Variants in TRPM6 observed in about 807,000 individuals in gnomAD.
TRPM6 encodes the protein transient receptor potential cation channel subfamily M member 6.
In TRPM6, 111 loss-of-function variants were observed where a neutral mutation model predicts 247.6. That is an observed-to-expected ratio of 0.45 (90% confidence interval 0.38 to 0.52). The LOEUF is 0.52. Ranked by LOEUF, TRPM6 falls within the 20% of genes least tolerant of loss-of-function variation. TRPM6 has a pLI of 0.00. For synonymous variants in TRPM6, 892 were observed against 853.8 expected (o/e 1.04, Z -0.78); for missense variants, 2,126 against 2,421.5 (o/e 0.88, Z 2.56).
intron 4 of TRPM6, 93 bp from the exon 5 acceptor site, chr9:74,840,330 G>A: frequency 2.4e-6 from 2 of 817,362 alleles, no homozygotes; most frequent in Non-Finnish European, 4.1e-6. Flanking sequence ...AACTGAAATG[G>A]CCAAAATCTA....
intron 22 of TRPM6, 38 bp from the exon 23 acceptor site, chr9:74,782,514 T>G (rs761800307): frequency 1.3e-6 from 2 of 1,514,086 alleles, no homozygotes; most frequent in Admixed American, 1.8e-5. Flanking sequence ...AAAGATAAGA[T>G]GAATCACAGT....
At chr9:74,835,185 T>C (rs1244340959) in intron 5 of TRPM6, among the ~76,000 whole-genome samples, 1 of 152,324 alleles carries the variant, frequency 6.6e-6, no homozygotes, top group South Asian at 2.1e-4. Flanking sequence ...TGATGGCCAG[T>C]GCTGATGAGC....
intron 7 of TRPM6, among the ~76,000 whole-genome samples, chr9:74,822,848 A>G (rs1370280761): frequency 6.6e-6 from 1 of 152,120 alleles, no homozygotes; most frequent in Non-Finnish European, 1.5e-5. Flanking sequence ...TTTTTTAAAA[A>G]TATACTTACA....
chr9:74,751,055 T>C (rs530270814), intron 29 of TRPM6, among the ~76,000 whole-genome samples: 2 of 152,262 alleles, frequency 1.3e-5, no homozygotes, highest in South Asian at 2.1e-4. Flanking sequence ...GGACTGAACA[T>C]ACACAATCAG....
At chr9:74,812,157 T>C in intron 12 of TRPM6, 142 bp downstream of exon 12, 5 of 1,056,608 alleles carry the variant, frequency 4.7e-6, no homozygotes, top group Non-Finnish European at 5.6e-6. Context: ...AGCCTGGAAC[T>C]AGATCCAGCT....
intron 37 of TRPM6, among the ~76,000 whole-genome samples, chr9:74,730,990 T>G (rs1304081751): frequency 6.6e-6 from 1 of 152,100 alleles, no homozygotes; most frequent in Non-Finnish European, 1.5e-5. Context: ...TAGAATCACA[T>G]GAGAAACTTT....
chr9:74,794,098 C>G (rs190112728), intron 18 of TRPM6, among the ~76,000 whole-genome samples: 1 of 151,110 alleles, frequency 6.6e-6, no homozygotes, highest in Non-Finnish European at 1.5e-5. Context: ...GTAAGGGTAG[C>G]GAAAGGAAAG....
At chr9:74,784,905 A>T (rs1448387522) in intron 21 of TRPM6, among the ~76,000 whole-genome samples, 1 of 152,050 alleles carries the variant, frequency 6.6e-6, no homozygotes, top group Non-Finnish European at 1.5e-5. Context: ...TGAGCTCAGG[A>T]GTTTGAGACC....
chr9:74,746,083 A>G (rs1383849658), intron 31 of TRPM6, among the ~76,000 whole-genome samples: 1 of 152,072 alleles, frequency 6.6e-6, no homozygotes, highest in Admixed American at 6.6e-5. Context: ...TCCACTAAAG[A>G]TACAAAAAAT....
intron 38 of TRPM6, among the ~76,000 whole-genome samples, chr9:74,726,606 A>T (rs1195813154): frequency 6.6e-6 from 1 of 152,226 alleles, no homozygotes; most frequent in African/African-American, 2.4e-5. Context: ...GAGCTCAAGG[A>T]TTGGAAGTAG....
rs180837047 is a variant in TRPM6, at chr9:74,745,678, C to T, written c.5084-1533G>A. 2.2e-3 allele frequency among the ~76,000 whole-genome samples: 334 copies of T among 152,196 alleles called. 1 individual carries two copies. The highest frequency in any genetic ancestry group is 7.5e-3 in the African/African-American group (312 of 41,474). On this transcript the variant is annotated intron_variant, in intron 31 of 38. Transcript: ENST00000360774. ...AAGTGTGAATGCCCTGGGGCAGGTCCATGCTTGTCATGTTTAAGGAGAGTG... is the reference window on the plus strand; with the variant it reads ...AAGTGTGAATGCCCTGGGGCAGGTCTATGCTTGTCATGTTTAAGGAGAGTG...
In TRPM6 at chr9:74,762,258, CT is replaced by C; in HGVS notation, c.4412del (p.Lys1471SerfsTer80). ...AAGTGGAGGGCAAGCAGGTTTGCCA[CT>C]TTTTCTTGATGCTAAACACACCAGT... ...DETGVFSIKK[K>X]WQTCLPSTCD... is the part of the protein sequence containing the mutation. On this transcript the variant is annotated frameshift_variant, in exon 26 of 39. Coordinates refer to ENST00000360774, the MANE Select transcript of TRPM6 (RefSeq NM_017662.5). LOFTEE classifies it high-confidence loss of function. The C allele has an allele frequency of 3.7e-6, 6 of 1,614,206 alleles. No individual in the cohort carries two copies. The highest frequency in any genetic ancestry group is 5.1e-6 in the Non-Finnish European group (6 of 1,180,036).
intron 17 of TRPM6, among the ~76,000 whole-genome samples, chr9:74,799,273 G>T (rs911705483): frequency 6.6e-6 from 1 of 151,918 alleles, no homozygotes; most frequent in Non-Finnish European, 1.5e-5. Flanking sequence ...ATAAAATACA[G>T]ACTTATGTAG....
rs556783609 is a variant in TRPM6, at chr9:74,843,653, C to CAA, written c.153-1312_153-1311dup. On this transcript the variant is annotated intron_variant, in intron 3 of 38. Coordinates refer to ENST00000360774, the MANE Select transcript of TRPM6 (RefSeq NM_017662.5). Reference sequence around the variant, plus strand: ...GAAACCCCGTCTCTACTAAAAAATACAAAAAAAAAAAATTAGCCGGGCATG... The same window carrying CAA: ...GAAACCCCGTCTCTACTAAAAAATACAAAAAAAAAAAAAATTAGCCGGGCATG... Among the ~76,000 whole-genome samples the CAA allele has an allele frequency of 8.7e-3, 1,213 of 139,022 alleles. 20 individuals are homozygous for CAA. The highest frequency in any genetic ancestry group is 0.03 in the African/African-American group (1,152 of 38,138). The allele number at this position is 139,022 out of a possible 152,430, so 91.2% of individuals were successfully genotyped here. A position where few individuals can be genotyped will look rare whatever the true frequency, so the allele number is the denominator to read the frequency against.
Position 74,855,576 on chromosome 9 carries a change from G to T in TRPM6, c.114-11C>A. On this transcript the variant is annotated splice_polypyrimidine_tract_variant and intron_variant, in intron 2 of 38. Coordinates refer to ENST00000360774, the MANE Select transcript of TRPM6 (RefSeq NM_017662.5). Reference sequence around the variant, plus strand: ...CATACTGGAGTACATCTAAATTAAAGAAATAAAACCTCTGTTAGTTTGTTG... The same window carrying T: ...CATACTGGAGTACATCTAAATTAAATAAATAAAACCTCTGTTAGTTTGTTG... 1 of 1,579,476 alleles carries T rather than the reference G, an allele frequency of 6.3e-7. No homozygotes were observed. The highest frequency in any genetic ancestry group is 1.3e-5 in the African/African-American group (1 of 74,330).
intron 25 of TRPM6, 142 bp downstream of exon 25, chr9:74,771,561 G>A: frequency 2.6e-6 from 2 of 764,550 alleles, no homozygotes; most frequent in African/African-American, 1.8e-5. Flanking sequence ...TTGATTACAT[G>A]AATATTATAT....
chr9:74,740,021 A>G lies in TRPM6; in HGVS notation c.5201-12T>C. ...TATTTCTTCTCCTGCTGCAAAGAGA[A>G]GTGAAGGCTAGGAATTCAATAAGAT... is the stretch of plus-strand genomic sequence containing the variant. On this transcript the variant is annotated splice_polypyrimidine_tract_variant and intron_variant, in intron 33 of 38. Coordinates refer to ENST00000360774, the MANE Select transcript of TRPM6 (RefSeq NM_017662.5). 1 of 1,613,268 alleles carries G rather than the reference A, an allele frequency of 6.2e-7. No individual in the cohort carries two copies. Among genetic ancestry groups the G allele is most frequent in the Non-Finnish European group, 8.5e-7 (1 of 1,179,766 alleles).
At chr9:74,862,454 A>C (rs1023262969) in intron 1 of TRPM6, among the ~76,000 whole-genome samples, 2 of 152,140 alleles carry the variant, frequency 1.3e-5, no homozygotes, top group African/African-American at 4.8e-5. Context: ...CAAAGGAGAA[A>C]GAAGGGAAAT....
rs1587574274 is a variant in TRPM6, at chr9:74,847,642, T to C, written c.153-5299A>G. Reference sequence around the variant, plus strand: ...ATATATAGTCATATGTATAGTCATATACAGTCATATATATAGTCATATATA... The same window carrying C: ...ATATATAGTCATATGTATAGTCATACACAGTCATATATATAGTCATATATA... On this transcript the variant is annotated intron_variant, in intron 3 of 38. Transcript: ENST00000360774. Among the ~76,000 whole-genome samples the C allele has an allele frequency of 4.0e-5, 6 of 151,590 alleles. No homozygotes were observed. The East Asian group carries it at 1.2e-3, about 29-fold the overall frequency.
Sources: gnomAD v4.1 joint callset for allele counts (sites outside exome capture counted in the v4.1 genomes callset) on GRCh38, gnomAD v4.1.1 for gene constraint, MANE v1.5 for transcripts, NCBI Gene and HGNC (gene_info 2026-07-23, HGNC 2026-07-21) for gene names.